The following LRP1B variants were observed in gnomAD, a reference collection of about 807,000 sequenced individuals.
LRP1B encodes the protein LDL receptor related protein 1B.
A neutral mutation model predicts 556.6 loss-of-function variants in LRP1B; 217 were observed. The ratio of observed to expected loss-of-function variants is 0.39; its 90% CI spans 0.35 to 0.44. LRP1B has a LOEUF of 0.44. Among genes scored for constraint, LRP1B ranks in the 20% least tolerant of loss-of-function variants. The pLI is 1.00. For missense variants in LRP1B, 5,053 were observed against 5,620.8 expected, an observed-to-expected ratio of 0.90 and a Z score of 3.23; for synonymous variants, 2,047 against 1,865.8, an observed-to-expected ratio of 1.10 and a Z score of -2.50.
chr2:141,890,325 T>TAC lies in LRP1B; in HGVS notation c.83-79925_83-79924insGT, dbSNP rs1558942657. Among the ~76,000 whole-genome samples the TAC allele has an allele frequency of 5.2e-3, 147 of 28,346 alleles. 2 individuals are homozygous for TAC. The highest frequency in any genetic ancestry group is 0.017 in the Middle Eastern group (1 of 58). The allele number at this position is 28,346 out of a possible 152,430, so 18.6% of individuals were successfully genotyped here. Reference sequence around the variant, plus strand: ...CTGTCACAGGTAAGGGCACAATACATATATATATATATATATATATATATA... The same window carrying TAC: ...CTGTCACAGGTAAGGGCACAATACATACATATATATATATATATATATATATA... On this transcript the variant is annotated intron_variant, in intron 1 of 90. Transcript: ENST00000389484.
intron 2 of LRP1B, among the ~76,000 whole-genome samples, chr2:141,746,925 ACT>A (rs1246707169): frequency 5.3e-5 from 8 of 152,098 alleles, no homozygotes; most frequent in African/African-American, 1.9e-4. Context: ...AATAACAATG[ACT>A]CTAACGGCAT....
intron 23 of LRP1B, among the ~76,000 whole-genome samples, chr2:140,894,248 CCT>C (rs1693882117): frequency 6.6e-6 from 1 of 152,104 alleles, no homozygotes; most frequent in Non-Finnish European, 1.5e-5. Context: ...GATTTTCCTC[CCT>C]CTGTCAGTAA....
chr2:140,721,446 T>TTTG (rs1377775514), intron 35 of LRP1B, among the ~76,000 whole-genome samples: 1 of 151,804 alleles, frequency 6.6e-6, no homozygotes, highest in Non-Finnish European at 1.5e-5. Flanking sequence ...ACAATGAAAC[T>TTTG]TTGTTGTGAT....
rs760354736 is a variant in LRP1B at position 140,234,788 on chromosome 2, C to G, written c.13657G>C (p.Gly4553Arg). The G allele has an allele frequency of 1.0e-5, 8 of 774,076 alleles. No individual in the cohort carries two copies. The highest frequency in any genetic ancestry group is 1.7e-5 in the Admixed American group (1 of 58,426). The allele number at this position is 774,076 out of a possible 1,614,324, so 48.0% of individuals were successfully genotyped here. ...NSDLKGPLTA[G>R]PTNYSNPVYA... The stretch of plus-strand genomic sequence containing the variant: ...AATAACGAATATTCTTCTCTCACCC[C>G]AGCAGTTAGTGGTCCTTTCAAATCA... The change falls in exon 90 of 91, where the codon GGG (glycine) becomes CGG (arginine). Residue 4553 changes from glycine (G) to arginine (R), a missense_variant and splice_region_variant. Coordinates refer to ENST00000389484, the MANE Select transcript of LRP1B (RefSeq NM_018557.3).
intron 43 of LRP1B, among the ~76,000 whole-genome samples, chr2:140,582,317 T>G (rs1175525132): frequency 6.6e-6 from 1 of 152,098 alleles, no homozygotes; most frequent in Non-Finnish European, 1.5e-5. Context: ...CACTATCACG[T>G]AAAAGCCCCC....
At chr2:141,066,434 C>T (rs771154017) in intron 7 of LRP1B, among the ~76,000 whole-genome samples, 1 of 151,952 alleles carries the variant, frequency 6.6e-6, no homozygotes, top group African/African-American at 2.4e-5. Context: ...TGGACAGTGA[C>T]AGAGCACTGT....
At chr2:140,825,035 CAT>C (rs1691455558) in intron 31 of LRP1B, among the ~76,000 whole-genome samples, 1 of 152,034 alleles carries the variant, frequency 6.6e-6, no homozygotes, top group African/African-American at 2.4e-5. Context: ...AGTAGGTAAT[CAT>C]ATATTCAACA....
intron 1 of LRP1B, among the ~76,000 whole-genome samples, chr2:141,927,809 T>C (rs1205531972): frequency 6.7e-6 from 1 of 149,528 alleles, no homozygotes; most frequent in Non-Finnish European, 1.5e-5. Flanking sequence ...ATGTGTCTTC[T>C]GCTTTTCCCC....
rs144194263 is a variant in LRP1B, at chr2:140,401,171, G to C, written c.10415-15162C>G. Among the ~76,000 whole-genome samples, 160 of 152,290 alleles carry C rather than the reference G, an allele frequency of 1.1e-3. 3 individuals carry two copies. Among genetic ancestry groups the C allele is most frequent in the African/African-American group, 3.5e-3 (147 of 41,560 alleles). On this transcript the variant is annotated intron_variant, in intron 66 of 90. Transcript: ENST00000389484. The stretch of plus-strand genomic sequence containing the variant: ...CTAGTGGGAAGTACACTGCAGGCAT[G>C]AGTGCAGGAGCTGGGTGCCTGGCCT...
chr2:140,979,663 T>G (rs182603870), intron 18 of LRP1B, among the ~76,000 whole-genome samples: 2 of 152,264 alleles, frequency 1.3e-5, no homozygotes, highest in Admixed American at 1.3e-4. Flanking sequence ...CAACAAGGAA[T>G]GAAACCTACT....
chr2:141,921,872 AC>A (rs1271576975), intron 1 of LRP1B, among the ~76,000 whole-genome samples: 1 of 152,068 alleles, frequency 6.6e-6, no homozygotes, highest in Non-Finnish European at 1.5e-5. Context: ...GAAATTTCAC[AC>A]TTAAGGGTTT....
chr2:142,060,219 C>T (rs1704853332), intron 1 of LRP1B, among the ~76,000 whole-genome samples: 1 of 151,984 alleles, frequency 6.6e-6, no homozygotes, highest in Admixed American at 6.6e-5. Context: ...GGTGTTTCTT[C>T]CTCTTTGTGA....
chr2:141,114,789 T>C (rs1430986557), intron 7 of LRP1B, among the ~76,000 whole-genome samples: 2 of 152,082 alleles, frequency 1.3e-5, no homozygotes, highest in Admixed American at 1.3e-4. Context: ...TTTGTATAAA[T>C]TGTCAGAGGA....
intron 35 of LRP1B, among the ~76,000 whole-genome samples, chr2:140,725,739 A>C (rs1174193353): frequency 6.6e-6 from 1 of 152,074 alleles, no homozygotes; most frequent in Admixed American, 6.6e-5. Context: ...GGTGGTTCTG[A>C]TCACACCTGC....
chr2:141,091,308 G>C (rs932939252), intron 7 of LRP1B, among the ~76,000 whole-genome samples: 2 of 152,106 alleles, frequency 1.3e-5, no homozygotes, highest in African/African-American at 4.8e-5. Flanking sequence ...ATTTACTTAC[G>C]TTTCAAAAGG....
intron 2 of LRP1B, among the ~76,000 whole-genome samples, chr2:141,511,190 A>G (rs975900882): frequency 5.3e-5 from 8 of 152,092 alleles, no homozygotes; most frequent in African/African-American, 1.7e-4. Context: ...AGTATATGAA[A>G]TCTTTTCTTA....
chr2:141,790,137 T>C (rs183170127), intron 2 of LRP1B, among the ~76,000 whole-genome samples: 64 of 152,064 alleles, frequency 4.2e-4, no homozygotes, highest in Non-Finnish European at 7.5e-4. Flanking sequence ...CTCATTGTTA[T>C]TGATGCATAG....
At chr2:141,510,911 C>CA (rs140983947) in intron 2 of LRP1B, among the ~76,000 whole-genome samples, 8,835 of 144,712 alleles carry the variant, frequency 0.061, 419 homozygotes, top group African/African-American at 0.12. Flanking sequence ...CACACACACC[C>CA]CACACAAACA....
At chr2:141,452,166 T>C (rs1219316409) in intron 3 of LRP1B, among the ~76,000 whole-genome samples, 1 of 152,068 alleles carries the variant, frequency 6.6e-6, no homozygotes, top group African/African-American at 2.4e-5. Context: ...ATTCCCACAA[T>C]TTGAACTAAG....
Sources: gnomAD v4.1 joint callset for allele counts (sites outside exome capture counted in the v4.1 genomes callset) on GRCh38, gnomAD v4.1.1 for gene constraint, MANE v1.5 for transcripts, NCBI Gene and HGNC (gene_info 2026-07-23, HGNC 2026-07-21) for gene names.